Variants in LRBA observed in about 807,000 individuals in gnomAD.
LRBA encodes lipopolysaccharide-responsive and beige-like anchor protein.
LRBA carries 176 observed loss-of-function variants against 330.0 expected under a neutral mutation model. The observed-to-expected ratio is 0.53, with a 90% confidence interval of 0.47 to 0.60. The LOEUF (loss-of-function observed/expected upper bound fraction) is 0.60, where lower values mean the gene tolerates loss of function less well. Ranked by LOEUF, LRBA falls within the 20% of genes least tolerant of loss-of-function variation. The pLI is 0.00. For missense variants in LRBA, 3,259 were observed against 3,444.8 expected (o/e 0.95, Z 1.35); for synonymous variants, 1,230 against 1,193.0 (o/e 1.03, Z -0.64).
At chr4:150,686,130 T>C (rs1031170678) in intron 36 of LRBA, among the ~76,000 whole-genome samples, 3 of 152,202 alleles carry the variant, frequency 2.0e-5, no homozygotes, top group African/African-American at 7.2e-5. Flanking sequence ...AATGTCCTCA[T>C]CTGCAAAATT....
intron 30 of LRBA, among the ~76,000 whole-genome samples, chr4:150,827,601 T>A (rs1436731087): frequency 6.6e-6 from 1 of 151,822 alleles, no homozygotes; most frequent in Non-Finnish European, 1.5e-5. Flanking sequence ...TTTCTTTTTT[T>A]TTCTTTTTTT....
intron 40 of LRBA, among the ~76,000 whole-genome samples, chr4:150,531,444 T>C (rs577971541): frequency 6.6e-6 from 1 of 152,304 alleles, no homozygotes; most frequent in Admixed American, 6.5e-5. Context: ...CAGATCTCTT[T>C]TATTGAAGAG....
At chr4:150,317,575 A>T (rs1731879501) in intron 50 of LRBA, among the ~76,000 whole-genome samples, 1 of 152,172 alleles carries the variant, frequency 6.6e-6, no homozygotes, top group Non-Finnish European at 1.5e-5. Flanking sequence ...CTCACAAGGG[A>T]GGACCAGGAA....
chr4:150,690,953 A>G (rs1265713916), intron 36 of LRBA, among the ~76,000 whole-genome samples: 3 of 139,266 alleles, frequency 2.2e-5, no homozygotes, highest in Non-Finnish European at 3.1e-5. Context: ...TTTTTTAGAC[A>G]GAGTCTCGCT....
In LRBA at chr4:150,599,051, C is replaced by T; in HGVS notation, c.6002G>A (p.Gly2001Glu). The change falls in exon 38 of 57, where the codon GGA (glycine) becomes GAA (glutamate). Residue 2001 changes from glycine to glutamate, a missense_variant. Physicochemically the swap from Gly to Glu is moderately conservative, Grantham distance 98. Transcript: ENST00000651943. Reference sequence around the variant, plus strand: ...TAGTGTCGCTTCAGGATGTGTCGATCCTAGAGGGTTACGCACAAATCGTCG... The same window carrying T: ...TAGTGTCGCTTCAGGATGTGTCGATTCTAGAGGGTTACGCACAAATCGTCG... ...RRRRFVRNPLGSTHPEATLKT... is the reference protein window; with the variant it reads ...RRRRFVRNPLESTHPEATLKT... 1 of 1,613,936 alleles carries T rather than the reference C, an allele frequency of 6.2e-7. No homozygotes were observed. The highest frequency in any genetic ancestry group is 8.5e-7 in the Non-Finnish European group (1 of 1,179,918).
intron 46 of LRBA, chr4:150,423,728 T>C: frequency 5.3e-6 from 1 of 189,228 alleles, no homozygotes; most frequent in Non-Finnish European, 1.1e-5. Flanking sequence ...CAGAGATTTC[T>C]CAGCGCCACG....
chr4:150,531,296 T>C (rs937094457), intron 40 of LRBA, among the ~76,000 whole-genome samples: 5 of 152,234 alleles, frequency 3.3e-5, no homozygotes, highest in Admixed American at 3.3e-4. Flanking sequence ...AATCCCACTT[T>C]GCTGATTTTC....
chr4:150,324,138 T>G (rs180706697), intron 49 of LRBA, among the ~76,000 whole-genome samples: 1 of 152,268 alleles, frequency 6.6e-6, no homozygotes, highest in East Asian at 1.9e-4. Flanking sequence ...ACCCTCGGGA[T>G]AGCAAAGCTG....
chr4:150,438,499 T>A (rs901429376), intron 44 of LRBA, among the ~76,000 whole-genome samples: 6 of 152,006 alleles, frequency 3.9e-5, no homozygotes, highest in Non-Finnish European at 8.8e-5. Flanking sequence ...CTAAATAAAT[T>A]AATAAATAAA....
intron 26 of LRBA, 61 bp downstream of exon 26, chr4:150,848,757 T>C: frequency 8.0e-7 from 1 of 1,253,074 alleles, no homozygotes; most frequent in Non-Finnish European, 1.1e-6. Context: ...ATTTTCAATG[T>C]CATCTCTGAA....
chr4:150,341,616 G>C (rs35750119), intron 48 of LRBA, among the ~76,000 whole-genome samples: 1 of 151,740 alleles, frequency 6.6e-6, no homozygotes, highest in Admixed American at 6.6e-5. Context: ...AATTTCTTAA[G>C]GATTATGTTC....
chr4:150,450,720 G>C (rs1365487291), intron 44 of LRBA, among the ~76,000 whole-genome samples: 1 of 152,050 alleles, frequency 6.6e-6, no homozygotes, highest in Non-Finnish European at 1.5e-5. Flanking sequence ...AAATAAACTT[G>C]AAAACACGTA....
At chr4:150,634,849 C>T (rs767401228) in intron 37 of LRBA, among the ~76,000 whole-genome samples, 2 of 152,102 alleles carry the variant, frequency 1.3e-5, no homozygotes, top group South Asian at 2.1e-4. Flanking sequence ...AAACAGAAGC[C>T]GTAGTCTTAA....
intron 40 of LRBA, among the ~76,000 whole-genome samples, chr4:150,525,575 CTGTTTTA>C (rs1357456316): frequency 1.3e-5 from 2 of 152,122 alleles, no homozygotes; most frequent in Non-Finnish European, 2.9e-5. Flanking sequence ...GCTGATGTTT[CTGTTTTA>C]GAAACAGTCT....
At chr4:150,316,020 A>C (rs1229174648) in intron 50 of LRBA, among the ~76,000 whole-genome samples, 1 of 152,196 alleles carries the variant, frequency 6.6e-6, no homozygotes, top group Non-Finnish European at 1.5e-5. Context: ...GCTACAGCAC[A>C]AAGGATCTAC....
chr4:150,857,787 A>G (rs1424384558), intron 22 of LRBA, among the ~76,000 whole-genome samples: 7 of 152,180 alleles, frequency 4.6e-5, no homozygotes, highest in Non-Finnish European at 8.8e-5. Context: ...AACTTGAATC[A>G]TTTACACGGT....
chr4:150,541,398 T>C (rs780311303), intron 40 of LRBA, among the ~76,000 whole-genome samples: 4 of 152,172 alleles, frequency 2.6e-5, no homozygotes, highest in Admixed American at 6.5e-5. Context: ...AGCTGGAACA[T>C]TGGTTCCTTT....
chr4:150,528,413 A>G (rs1385746630), intron 40 of LRBA, among the ~76,000 whole-genome samples: 1 of 151,896 alleles, frequency 6.6e-6, no homozygotes, highest in Non-Finnish European at 1.5e-5. Context: ...AGGCAGGAGA[A>G]TGGCGTGAAC....
chr4:150,268,133 C>CTGAG (rs1167295201), intron 56 of LRBA, among the ~76,000 whole-genome samples: 2 of 150,682 alleles, frequency 1.3e-5, no homozygotes, highest in Non-Finnish European at 2.9e-5. Context: ...TTGGCAGAAA[C>CTGAG]TGAGTTCAGA....
Sources: allele counts gnomAD v4.1 joint callset (sites outside exome capture counted in the v4.1 genomes callset), GRCh38; gene constraint gnomAD v4.1.1; transcripts MANE v1.5; gene names NCBI Gene and HGNC (gene_info 2026-07-23, HGNC 2026-07-21).